NFYC: variants seen among roughly 807,000 people sequenced by gnomAD.
NFYC encodes the protein nuclear transcription factor Y subunit gamma.
In NFYC, 25 loss-of-function variants were observed where a neutral mutation model predicts 53.1. The ratio of observed to expected loss-of-function variants is 0.47; its 90% CI spans 0.34 to 0.66. The LOEUF is 0.66. NFYC is among the 30% of genes least tolerant of loss of function. NFYC has a pLI of 0.01. For missense variants in NFYC, 260 were observed against 422.7 expected (o/e 0.62, Z 3.38); for synonymous variants, 145 against 152.6 (o/e 0.95, Z 0.37).
intron 1 of NFYC, among the ~76,000 whole-genome samples, chr1:40,716,889 G>A (rs1183550017): frequency 6.6e-6 from 1 of 152,102 alleles, no homozygotes; most frequent in Non-Finnish European, 1.5e-5. Flanking sequence ...GAGAAAAAGT[G>A]CAAAATGATA....
At chr1:40,758,022 C>T in intron 5 of NFYC, 99 bp from the exon 6 acceptor site, 2 of 1,337,512 alleles carry the variant, frequency 1.5e-6, no homozygotes, top group Non-Finnish European at 1.1e-6. Flanking sequence ...ATTCAGCAGG[C>T]AACTGCACAT....
intron 6 of NFYC, among the ~76,000 whole-genome samples, chr1:40,759,669 G>A (rs1318684106): frequency 6.6e-6 from 1 of 152,010 alleles, no homozygotes; most frequent in Admixed American, 6.6e-5. Context: ...AGATGTGAAC[G>A]AGGTGGTCAG....
At chr1:40,730,195 CTTTTTT>C (rs34045698) in intron 1 of NFYC, among the ~76,000 whole-genome samples, 14 of 102,020 alleles carry the variant, frequency 1.4e-4, no homozygotes, top group African/African-American at 2.3e-4. Flanking sequence ...TCTTTCTTTT[CTTTTTT>C]TTTTTTTTTT....
chr1:40,726,127 T>TG (rs33997341), intron 1 of NFYC, among the ~76,000 whole-genome samples: 49,319 of 140,806 alleles, frequency 0.35, 9,239 homozygotes, highest in East Asian at 0.48. Context: ...GTGTGTGTGT[T>TG]TTTTTTTGAG....
intron 1 of NFYC, among the ~76,000 whole-genome samples, chr1:40,706,839 A>T (rs888693321): frequency 6.6e-6 from 1 of 152,174 alleles, no homozygotes; most frequent in Non-Finnish European, 1.5e-5. Flanking sequence ...GAATACTTAT[A>T]ATATCTCTTC....
chr1:40,719,192 T>C (rs1644248590), intron 1 of NFYC, among the ~76,000 whole-genome samples: 1 of 152,222 alleles, frequency 6.6e-6, no homozygotes, highest in Non-Finnish European at 1.5e-5. Flanking sequence ...AATAATCCGT[T>C]GCTTTAAATT....
chr1:40,755,340 T>G (rs1406024932), intron 5 of NFYC, among the ~76,000 whole-genome samples: 1 of 152,186 alleles, frequency 6.6e-6, no homozygotes, highest in African/African-American at 2.4e-5. Flanking sequence ...TCTGGATTGA[T>G]CCAGTCATTA....
rs1228156442 is a variant in NFYC at position 40,738,833 on chromosome 1, C to T, written c.-8-3C>T. On this transcript the variant is annotated splice_polypyrimidine_tract_variant and splice_region_variant and intron_variant, in intron 1 of 9. Coordinates refer to ENST00000447388, the MANE Select transcript of NFYC (RefSeq NM_014223.5). ...TGTGTCTTATGTATGTGTTTATTTT[C>T]AGTTGTCGAGATGTCCACAGAAGGA... is the stretch of plus-strand genomic sequence containing the variant. 6.2e-7 allele frequency: 1 copy of T among 1,608,076 alleles called. No homozygotes were observed. Among genetic ancestry groups the T allele is most frequent in the East Asian group, 2.2e-5 (1 of 44,820 alleles).
chr1:40,733,341 T>C (rs1368395403), intron 1 of NFYC, among the ~76,000 whole-genome samples: 4 of 151,104 alleles, frequency 2.6e-5, no homozygotes, highest in South Asian at 2.1e-4. Context: ...CGTGGAGAGA[T>C]AGTAATTGAG....
intron 1 of NFYC, among the ~76,000 whole-genome samples, chr1:40,693,209 G>A (rs1000567274): frequency 1.2e-4 from 18 of 152,208 alleles, no homozygotes; most frequent in African/African-American, 3.9e-4. Flanking sequence ...TTAAGGAACA[G>A]GACTTGTCAA....
rs776628375 is a variant in NFYC at position 40,758,185 on chromosome 1, A to C, written c.452A>C (p.Gln151Pro). The part of the protein sequence containing the change: ...PVQYYFTLAQ[Q>P]PTAVQVQGQQ... ...CAGTACTATTTCACGCTGGCTCAGC[A>C]ACCCACCGCTGTCCAAGTCCAGGGC... The change falls in exon 6 of 10, where the codon CAA becomes CCA. Residue 151 changes from glutamine (Q) to proline (P), a missense_variant. Coordinates refer to ENST00000447388, the MANE Select transcript of NFYC (RefSeq NM_014223.5). 15 of 1,612,754 alleles carry C rather than the reference A, an allele frequency of 9.3e-6. No individual in the cohort carries two copies. In the Admixed American group the frequency reaches 2.5e-4, roughly 27 times the overall value.
At chr1:40,694,313 T>A in intron 1 of NFYC, among the ~76,000 whole-genome samples, 1 of 152,208 alleles carries the variant, frequency 6.6e-6, no homozygotes, top group East Asian at 1.9e-4. Context: ...TAAGACTGGA[T>A]AGGACAAAAT....
chr1:40,725,283 G>A (rs145767373), intron 1 of NFYC, among the ~76,000 whole-genome samples: 3,090 of 152,268 alleles, frequency 0.02, 33 homozygotes, highest in Non-Finnish European at 0.031. Flanking sequence ...AAGTAGTGAA[G>A]TGTAGGACTT....
intron 1 of NFYC, among the ~76,000 whole-genome samples, chr1:40,703,754 T>C (rs757670221): frequency 1.2e-4 from 18 of 152,206 alleles, no homozygotes; most frequent in Non-Finnish European, 2.6e-4. Context: ...TGTTAAAAAA[T>C]AGTTATGTGT....
chr1:40,727,951 A>G (rs1314774988), intron 1 of NFYC, among the ~76,000 whole-genome samples: 2 of 149,658 alleles, frequency 1.3e-5, no homozygotes, highest in Non-Finnish European at 3.0e-5. Flanking sequence ...AAGTGTTTTT[A>G]TTTCTGAGAC....
chr1:40,758,437 G>GTAGCTGAATCTGGGGA, intron 6 of NFYC, 143 bp downstream of exon 6: 1 of 930,324 alleles, frequency 1.1e-6, no homozygotes, highest in Non-Finnish European at 1.6e-6. Flanking sequence ...CTTTTCCCCA[G>GTAGCTGAATCTGGGGA]ATTCAGCTAC....
intron 1 of NFYC, among the ~76,000 whole-genome samples, chr1:40,737,127 CAAAAA>C (rs1161900883): frequency 5.6e-5 from 5 of 88,808 alleles, no homozygotes; most frequent in Non-Finnish European, 8.7e-5. Context: ...AACTCTGTCT[CAAAAA>C]AAAAAAAAAA....
At chr1:40,691,910 A>AGCG in intron 1 of NFYC, 43 bp downstream of exon 1, 1 of 343,380 alleles carries the variant, frequency 2.9e-6, no homozygotes, top group Non-Finnish European at 5.8e-6. Flanking sequence ...GTGATAGGGA[A>AGCG]GCGGCGGCGG....
intron 1 of NFYC, among the ~76,000 whole-genome samples, chr1:40,737,872 CAAA>C: frequency 6.7e-6 from 1 of 148,962 alleles, no homozygotes; most frequent in Middle Eastern, 3.6e-3. Context: ...GTGTCTAAAA[CAAA>C]AGAAGAAACT....
Sources: allele counts gnomAD v4.1 joint callset (sites outside exome capture counted in the v4.1 genomes callset), GRCh38; gene constraint gnomAD v4.1.1; transcripts MANE v1.5; gene names NCBI Gene and HGNC (gene_info 2026-07-23, HGNC 2026-07-21).